CA10: variants seen among roughly 807,000 people sequenced by gnomAD.
CA10 encodes carbonic anhydrase-related protein 10.
Under a neutral mutation model 44.2 loss-of-function variants are expected in CA10, and 14 were observed. That is an observed-to-expected ratio of 0.32 (90% CI 0.21 to 0.50). The LOEUF (loss-of-function observed/expected upper bound fraction) is 0.50. Among genes scored for constraint, CA10 ranks in the 20% least tolerant of loss-of-function variants. The pLI is 0.99. For missense variants in CA10, 350 were observed against 409.7 expected (o/e 0.85, Z 1.26); for synonymous variants, 159 against 141.6 (o/e 1.12, Z -0.87).
intron 1 of CA10, among the ~76,000 whole-genome samples, chr17:52,085,395 T>G (rs1435088496): frequency 1.3e-5 from 2 of 152,198 alleles, no homozygotes; most frequent in African/African-American, 4.8e-5. Context: ...GTCTTTCACT[T>G]TTGAGGGGTA....
intron 2 of CA10, among the ~76,000 whole-genome samples, chr17:51,961,414 A>C (rs1298039030): frequency 1.3e-5 from 2 of 152,034 alleles, no homozygotes; most frequent in East Asian, 3.9e-4. Context: ...ACAAAAACCA[A>C]ATTAAGCCAA....
chr17:52,144,607 T>G (rs1405364603), intron 1 of CA10, among the ~76,000 whole-genome samples: 3 of 152,196 alleles, frequency 2.0e-5, no homozygotes, highest in Non-Finnish European at 4.4e-5. Context: ...CTTATTACCT[T>G]TAAAATATTC....
At chr17:51,639,060 TTCA>T (rs1371140331) in intron 6 of CA10, among the ~76,000 whole-genome samples, 1 of 152,148 alleles carries the variant, frequency 6.6e-6, no homozygotes, top group African/African-American at 2.4e-5. Context: ...GAGTTTGGAC[TTCA>T]TCCGGAGGCA....
rs576094216 is a variant in CA10, at chr17:52,089,189, A to T, written c.62-16796T>A. 2.6e-5 allele frequency among the ~76,000 whole-genome samples: 4 copies of T among 152,294 alleles called. No homozygotes were observed. In the East Asian group the frequency reaches 7.7e-4, roughly 29 times the overall value. On this transcript the variant is annotated intron_variant, in intron 1 of 8. Transcript: ENST00000451037. The stretch of plus-strand genomic sequence containing the variant: ...AAAAGATAGGATAGGAAGATTACAG[A>T]AGTGTGCAAGAAATACACCAATATT...
intron 2 of CA10, among the ~76,000 whole-genome samples, chr17:51,956,558 T>C (rs551198497): frequency 8.1e-4 from 123 of 152,320 alleles, no homozygotes; most frequent in African/African-American, 2.7e-3. Context: ...TGTTTTTTAA[T>C]GTAGAGTAAG....
intron 1 of CA10, among the ~76,000 whole-genome samples, chr17:52,126,043 G>A (rs891401967): frequency 6.6e-6 from 1 of 152,172 alleles, no homozygotes; most frequent in East Asian, 1.9e-4. Flanking sequence ...GCCCTCAAAA[G>A]GTTTTCCAGT....
At chr17:51,661,686 T>C (rs1914014635) in intron 4 of CA10, 1 of 152,210 alleles carries the variant, frequency 6.6e-6, no homozygotes, top group South Asian at 2.1e-4. Flanking sequence ...GTCTCCTTTG[T>C]GGATCCGACA....
rs72834290 is a variant in CA10, at chr17:52,028,237, T to C, written c.136+44082A>G. On this transcript the variant is annotated intron_variant, in intron 2 of 8. Transcript: ENST00000451037. ...TTGGCCAAATTCTTACACCTCTCAA[T>C]TTTTTAGCAAGGAGACATAGATATG... Among the ~76,000 whole-genome samples the C allele has an allele frequency of 4.7e-3, 713 of 152,272 alleles. 3 individuals carry two copies. Among genetic ancestry groups the C allele is most frequent in the Non-Finnish European group, 7.4e-3 (505 of 68,000 alleles).
At chr17:51,691,418 G>A (rs958127305) in intron 4 of CA10, among the ~76,000 whole-genome samples, 7 of 152,118 alleles carry the variant, frequency 4.6e-5, no homozygotes, top group Non-Finnish European at 8.8e-5. Context: ...TTTAAATCAG[G>A]TGTTTTTACT....
At chr17:51,974,053 A>G (rs1230695225) in intron 2 of CA10, among the ~76,000 whole-genome samples, 1 of 152,130 alleles carries the variant, frequency 6.6e-6, no homozygotes, top group Non-Finnish European at 1.5e-5. Context: ...ACAAAAAAGA[A>G]TAGAAATTCT....
intron 8 of CA10, among the ~76,000 whole-genome samples, chr17:51,632,424 G>C (rs1326814469): frequency 6.6e-6 from 1 of 152,176 alleles, no homozygotes; most frequent in Non-Finnish European, 1.5e-5. Flanking sequence ...GTATCTGAGA[G>C]AGAAAAAAGA....
intron 2 of CA10, among the ~76,000 whole-genome samples, chr17:51,980,875 G>T (rs889748248): frequency 6.6e-6 from 1 of 151,892 alleles, no homozygotes; most frequent in Non-Finnish European, 1.5e-5. Flanking sequence ...CCATTGACCA[G>T]TTACTTCACA....
intron 3 of CA10, among the ~76,000 whole-genome samples, chr17:51,812,912 C>T (rs1227426089): frequency 6.6e-6 from 1 of 152,194 alleles, no homozygotes; most frequent in Non-Finnish European, 1.5e-5. Context: ...TCCCAAATAG[C>T]TCCCCATTTT....
chr17:52,112,202 A>T (rs964492422), intron 1 of CA10, among the ~76,000 whole-genome samples: 1 of 152,140 alleles, frequency 6.6e-6, no homozygotes, highest in East Asian at 1.9e-4. Context: ...AAAAAAAAAA[A>T]ACTCACAATT....
intron 1 of CA10, among the ~76,000 whole-genome samples, chr17:52,133,872 T>C (rs73355419): frequency 0.018 from 2,781 of 152,260 alleles, 96 homozygotes; most frequent in African/African-American, 0.061. Context: ...ACTTAATGAA[T>C]AGAAGATTAA....
intron 2 of CA10, among the ~76,000 whole-genome samples, chr17:52,012,186 CTG>C (rs1046651183): frequency 2.0e-5 from 3 of 151,876 alleles, no homozygotes; most frequent in African/African-American, 7.3e-5. Context: ...GATGAAGAAA[CTG>C]AGGGGAAAAA....
intron 3 of CA10, among the ~76,000 whole-genome samples, chr17:51,814,233 C>T (rs1410554400): frequency 6.6e-6 from 1 of 152,074 alleles, no homozygotes; most frequent in Admixed American, 6.6e-5. Context: ...TTAATAATGA[C>T]CTCTTAAACT....
At chr17:51,803,546 C>T (rs1010970373) in intron 3 of CA10, among the ~76,000 whole-genome samples, 4 of 152,128 alleles carry the variant, frequency 2.6e-5, no homozygotes, top group Non-Finnish European at 4.4e-5. Context: ...TTTATTTCTA[C>T]CTTTTTTGGG....
At chr17:51,742,523 C>G (rs933152938) in intron 4 of CA10, among the ~76,000 whole-genome samples, 1 of 152,166 alleles carries the variant, frequency 6.6e-6, no homozygotes, top group Admixed American at 6.5e-5. Flanking sequence ...TTTAGTGAAA[C>G]CAGCCTCTCA....
Sources: allele counts gnomAD v4.1 joint callset (sites outside exome capture counted in the v4.1 genomes callset), GRCh38; gene constraint gnomAD v4.1.1; transcripts MANE v1.5; gene names NCBI Gene and HGNC (gene_info 2026-07-23, HGNC 2026-07-21).